Variants in INSR observed in about 807,000 individuals in gnomAD.
INSR encodes IR.
Under a neutral mutation model 142.6 loss-of-function variants are expected in INSR, and 67 were observed. That is an observed-to-expected ratio of 0.47 (90% confidence interval 0.39 to 0.58). The LOEUF (loss-of-function observed/expected upper bound fraction) is 0.58. INSR is among the 20% of genes least tolerant of loss of function. INSR has a pLI of 0.00. For missense variants in INSR, 1,248 were observed against 1,833.2 expected (o/e 0.68, Z 5.83); for synonymous variants, 756 against 743.1 (o/e 1.02, Z -0.28).
intron 2 of INSR, among the ~76,000 whole-genome samples, chr19:7,234,574 A>G (rs1003351372): frequency 6.6e-6 from 1 of 152,274 alleles, no homozygotes; most frequent in South Asian, 2.1e-4. Flanking sequence ...ATTTTATGTC[A>G]GGGACTGGAT....
In INSR at chr19:7,207,593, T is replaced by G. The variant is rs1975139383; in HGVS notation, c.653-22956A>C. ...AAAGCAACCATCTCAAAAAACAACA[T>G]GAGTTTCCCCACTTATGTCTCCCTA... On this transcript the variant is annotated intron_variant, in intron 2 of 21. Transcript: ENST00000302850. 2.1e-5 allele frequency among the ~76,000 whole-genome samples: 3 copies of G among 141,858 alleles called. No homozygotes were observed. In the Admixed American group the frequency reaches 2.1e-4, roughly 10 times the overall value. The allele number at this position is 141,858 out of a possible 152,430, so 93.1% of individuals were successfully genotyped here.
chr19:7,243,208 G>A (rs1354736979), intron 2 of INSR, among the ~76,000 whole-genome samples: 4 of 142,136 alleles, frequency 2.8e-5, no homozygotes, highest in East Asian at 2.1e-4. Context: ...ACTGCCTTAC[G>A]TCACAGCCAG....
intron 8 of INSR, among the ~76,000 whole-genome samples, chr19:7,164,198 G>A (rs1973835653): frequency 6.6e-6 from 1 of 151,592 alleles, no homozygotes; most frequent in African/African-American, 2.4e-5. Flanking sequence ...TTGTCATGAA[G>A]GAGGGTGCAT....
At position 7,168,897 on chromosome 19, in the gene INSR, C is replaced by A. The variant is rs1037430705; in HGVS notation, c.1484-803G>T. 6.6e-6 allele frequency among the ~76,000 whole-genome samples: 1 copy of A among 152,198 alleles called. No homozygotes were observed. Among genetic ancestry groups the A allele is most frequent in the Non-Finnish European group, 1.5e-5 (1 of 68,032 alleles). On this transcript the variant is annotated intron_variant, in intron 6 of 21. Coordinates refer to ENST00000302850, the MANE Select transcript of INSR (RefSeq NM_000208.4). This position sits in a 1 kb window ranked among gnomAD's most constrained non-coding sequence, Gnocchi z 4.3. Reference sequence around the variant, plus strand: ...GGGATTCCAGGCGTGAGCCACCATGCCCAGCCCTTGCACTACATTTTGACA... The same window carrying A: ...GGGATTCCAGGCGTGAGCCACCATGACCAGCCCTTGCACTACATTTTGACA...
At chr19:7,151,465 T>C (rs13344920) in intron 10 of INSR, among the ~76,000 whole-genome samples, 69,174 of 148,790 alleles carry the variant, frequency 0.46, 18,035 homozygotes, top group Non-Finnish European at 0.61. Context: ...TTTTCCTTTT[T>C]TAGTAGAGAT....
intron 2 of INSR, among the ~76,000 whole-genome samples, chr19:7,242,508 A>AG: frequency 6.7e-6 from 1 of 149,660 alleles, no homozygotes; most frequent in African/African-American, 2.5e-5. Context: ...GCTGAGGAGG[A>AG]GGGCAGATCA....
chr19:7,261,720 A>C (rs537573544), intron 2 of INSR, among the ~76,000 whole-genome samples: 1 of 151,930 alleles, frequency 6.6e-6, no homozygotes, highest in Non-Finnish European at 1.5e-5. Flanking sequence ...TAGTAGAGAC[A>C]GCGTTTTGCT....
At position 7,195,910 on chromosome 19, in the gene INSR, A is replaced by T. The variant is rs973440653; in HGVS notation, c.653-11273T>A. ...GGCACCAGTACCATCATTATGTAAG[A>T]GAACTTTCTTTCTTTTCTTTCTTTT... On this transcript the variant is annotated intron_variant, in intron 2 of 21. Transcript: ENST00000302850. 2.7e-5 allele frequency among the ~76,000 whole-genome samples: 4 copies of T among 148,624 alleles called. No individual in the cohort carries two copies. In the Admixed American group the frequency reaches 2.7e-4, roughly 10 times the overall value.
chr19:7,117,589 T>C (rs1238066485), intron 21 of INSR, among the ~76,000 whole-genome samples, 179 bp from the exon 22 acceptor site: 1 of 152,074 alleles, frequency 6.6e-6, no homozygotes, highest in African/African-American at 2.4e-5. Flanking sequence ...TGCTGAGAGA[T>C]GGTGTTTTCT....
chr19:7,158,267 A>G (rs919317936), intron 9 of INSR, among the ~76,000 whole-genome samples: 21 of 151,918 alleles, frequency 1.4e-4, no homozygotes, highest in South Asian at 4.1e-4. Context: ...TTGGGAGGCC[A>G]AGGTGGGCAG....
intron 2 of INSR, among the ~76,000 whole-genome samples, chr19:7,236,629 T>C (rs1041096549): frequency 2.0e-5 from 3 of 152,142 alleles, no homozygotes; most frequent in Non-Finnish European, 2.9e-5. Context: ...TATAAATTAC[T>C]TAGTCTCACT....
At position 7,167,550 on chromosome 19, in the gene INSR, G is replaced by C. The variant is rs1568460196; in HGVS notation, c.1610+418C>G. Among the ~76,000 whole-genome samples the C allele has an allele frequency of 6.0e-5, 9 of 150,674 alleles. No homozygotes were observed. The South Asian group carries it at 1.9e-3, about 32-fold the overall frequency. On this transcript the variant is annotated intron_variant, in intron 7 of 21. Coordinates refer to ENST00000302850, the MANE Select transcript of INSR (RefSeq NM_000208.4). ...AAGATCTGCCACTGCACTGTACCCTGGGCAACAGAGCAAGACTCTGTCTCA... is the reference window on the plus strand; with the variant it reads ...AAGATCTGCCACTGCACTGTACCCTCGGCAACAGAGCAAGACTCTGTCTCA...
intron 2 of INSR, among the ~76,000 whole-genome samples, chr19:7,263,477 C>CG (rs1470479559): frequency 6.6e-6 from 1 of 152,160 alleles, no homozygotes; most frequent in Non-Finnish European, 1.5e-5. Context: ...GCCAGGAACC[C>CG]GGTACCCCGG....
chr19:7,161,187 T>C (rs928926612), intron 9 of INSR, among the ~76,000 whole-genome samples: 1 of 149,864 alleles, frequency 6.7e-6, no homozygotes, highest in Non-Finnish European at 1.5e-5. Flanking sequence ...ATTTTATTTA[T>C]AATTTTTATA....
chr19:7,119,647 C>T lies in INSR; in HGVS notation c.3660-64G>A, dbSNP rs13306448. ...TTAGACACACACACACACGCGCGCGCGCAAACACACACACGCAAACGCACA... is the reference window on the plus strand; with the variant it reads ...TTAGACACACACACACACGCGCGCGTGCAAACACACACACGCAAACGCACA... On this transcript the variant is annotated intron_variant, in intron 20 of 21. Transcript: ENST00000302850. This position sits in a 1 kb window ranked among gnomAD's most constrained non-coding sequence, Gnocchi z 5.2. 0.12 allele frequency: 185,957 copies of T among 1,575,712 alleles called. 11,625 individuals carry two copies. The highest frequency in any genetic ancestry group is 0.2 in the South Asian group (17,900 of 90,156).
chr19:7,243,239 T>G (rs996282855), intron 2 of INSR, among the ~76,000 whole-genome samples: 4 of 109,540 alleles, frequency 3.7e-5, no homozygotes. Context: ...TTTTGGTTTT[T>G]TTTTTTTTTT....
chr19:7,277,345 G>A (rs1489660814), intron 1 of INSR, among the ~76,000 whole-genome samples: 2 of 151,952 alleles, frequency 1.3e-5, no homozygotes, highest in Non-Finnish European at 2.9e-5. Flanking sequence ...CTCAGCAAAC[G>A]TTTGCTGGGC....
intron 4 of INSR, 48 bp downstream of exon 4, chr19:7,174,535 G>A (rs943706045): frequency 1.9e-6 from 3 of 1,608,062 alleles, no homozygotes; most frequent in Non-Finnish European, 2.6e-6. Context: ...AGCTCAGAGG[G>A]ACATGGAGCC....
At chr19:7,249,856 G>A (rs1438653209) in intron 2 of INSR, among the ~76,000 whole-genome samples, 1 of 152,068 alleles carries the variant, frequency 6.6e-6, no homozygotes, top group Non-Finnish European at 1.5e-5. Flanking sequence ...GCCGGGCGTG[G>A]TGGCAGGTGC....
Sources: gnomAD v4.1 joint callset for allele counts (sites outside exome capture counted in the v4.1 genomes callset) on GRCh38, gnomAD v4.1.1 for gene constraint, Gnocchi (gnomAD v3.1) non-coding constraint, MANE v1.5 for transcripts, NCBI Gene and HGNC (gene_info 2026-07-23, HGNC 2026-07-21) for gene names.